Variants in MAGI1 observed in about 807,000 individuals in gnomAD.
MAGI1 encodes the protein membrane-associated guanylate kinase, WW and PDZ domain-containing protein 1.
In MAGI1, 58 loss-of-function variants were observed where a neutral mutation model predicts 139.9. The ratio of observed to expected loss-of-function variants is 0.41; its 90% CI spans 0.34 to 0.52. MAGI1 has a LOEUF of 0.52. MAGI1 is among the 20% of genes least tolerant of loss of function. MAGI1 has a pLI of 0.12. For synonymous variants in MAGI1, 812 were observed against 737.9 expected (o/e 1.10, Z -1.63); for missense variants, 1,874 against 1,901.6 (o/e 0.99, Z 0.27).
intron 1 of MAGI1, among the ~76,000 whole-genome samples, chr3:65,636,697 A>AACATAC (rs1553683930): frequency 1.5e-5 from 2 of 130,666 alleles, no homozygotes; most frequent in Non-Finnish European, 3.5e-5. Context: ...TATAAGGGAA[A>AACATAC]ACACATACAC....
chr3:65,458,970 G>C (rs1337943123), intron 5 of MAGI1, among the ~76,000 whole-genome samples: 2 of 152,130 alleles, frequency 1.3e-5, no homozygotes, highest in African/African-American at 4.8e-5. Context: ...ATTTTGATTT[G>C]ACTTTAGTAT....
intron 5 of MAGI1, among the ~76,000 whole-genome samples, chr3:65,457,487 T>C (rs963254923): frequency 4.6e-5 from 7 of 152,214 alleles, no homozygotes; most frequent in African/African-American, 1.4e-4. Flanking sequence ...AAGGAACTTC[T>C]TTGACCTCTT....
chr3:65,585,519 A>G (rs1359603693), intron 2 of MAGI1, among the ~76,000 whole-genome samples: 3 of 152,232 alleles, frequency 2.0e-5, no homozygotes, highest in Non-Finnish European at 4.4e-5. Flanking sequence ...TTTTAATACC[A>G]AGGGCAGGTG....
chr3:65,530,756 CGTATATATATATATAT>C (rs2078649068), intron 2 of MAGI1, among the ~76,000 whole-genome samples: 1 of 29,606 alleles, frequency 3.4e-5, no homozygotes, highest in Non-Finnish European at 5.9e-5. Flanking sequence ...TATATATACA[CGTATATATATATATAT>C]ACACACATAT....
chr3:65,416,999 G>C (rs1946267219), intron 12 of MAGI1, among the ~76,000 whole-genome samples: 1 of 152,166 alleles, frequency 6.6e-6, no homozygotes, highest in Non-Finnish European at 1.5e-5. Flanking sequence ...GATTTCATTT[G>C]AGGGAAATGA....
In MAGI1 at chr3:65,762,672, T is replaced by C. The variant is rs118067798; in HGVS notation, c.314-140584A>G. Among the ~76,000 whole-genome samples the C allele has an allele frequency of 1.8e-4, 27 of 152,302 alleles. No homozygotes were observed. The East Asian group carries it at 5.2e-3, about 29-fold the overall frequency. Reference sequence around the variant, plus strand: ...TTAGTTATATAACATGGGTGTGTTATTATAGGTTAGGCACTCTGCTAAGTC... The same window carrying C: ...TTAGTTATATAACATGGGTGTGTTACTATAGGTTAGGCACTCTGCTAAGTC... On this transcript the variant is annotated intron_variant, in intron 1 of 22. Coordinates refer to ENST00000402939, the MANE Select transcript of MAGI1 (RefSeq NM_001033057.2).
chr3:65,521,449 ATGTTTAGAAT>A (rs1279924511), intron 2 of MAGI1, among the ~76,000 whole-genome samples: 1 of 152,182 alleles, frequency 6.6e-6, no homozygotes, highest in Non-Finnish European at 1.5e-5. Context: ...AGTACAAGAG[ATGTTTAGAAT>A]TGGTTTAATA....
intron 1 of MAGI1, among the ~76,000 whole-genome samples, chr3:66,032,695 G>T (rs2068688690): frequency 6.6e-6 from 1 of 151,694 alleles, no homozygotes; most frequent in African/African-American, 2.4e-5. Flanking sequence ...AAGGCGGCAG[G>T]CAGATTGCCT....
At chr3:65,921,113 T>C (rs2062158559) in intron 1 of MAGI1, among the ~76,000 whole-genome samples, 1 of 152,146 alleles carries the variant, frequency 6.6e-6, no homozygotes, top group African/African-American at 2.4e-5. Flanking sequence ...TCAGAAGTTA[T>C]AATTGCACAG....
chr3:65,712,948 A>T (rs1020889434), intron 1 of MAGI1, among the ~76,000 whole-genome samples: 2 of 152,144 alleles, frequency 1.3e-5, no homozygotes, highest in Admixed American at 1.3e-4. Flanking sequence ...CCATCACTCT[A>T]CCTTTATTCT....
chr3:65,909,358 T>C (rs2061565700), intron 1 of MAGI1, among the ~76,000 whole-genome samples: 1 of 149,578 alleles, frequency 6.7e-6, no homozygotes, highest in Admixed American at 6.7e-5. Flanking sequence ...AGACCCCATC[T>C]CTACAAAAAA....
rs551518836 is a variant in MAGI1 at position 65,848,330 on chromosome 3, T to C, written c.313+189666A>G. On this transcript the variant is annotated intron_variant, in intron 1 of 22. Coordinates refer to ENST00000402939, the MANE Select transcript of MAGI1 (RefSeq NM_001033057.2). Reference sequence around the variant, plus strand: ...GCGAAGCAACTTAGAATGTTTCGTATCCTACGCTGGTTCTGAGCAGGCTTA... The same window carrying C: ...GCGAAGCAACTTAGAATGTTTCGTACCCTACGCTGGTTCTGAGCAGGCTTA... Among the ~76,000 whole-genome samples the C allele has an allele frequency of 1.2e-3, 185 of 152,296 alleles. 2 individuals are homozygous for C. Among genetic ancestry groups the C allele is most frequent in the African/African-American group, 3.9e-3 (164 of 41,582 alleles).
chr3:65,434,134 T>C (rs1291834614), intron 10 of MAGI1, among the ~76,000 whole-genome samples: 1 of 152,136 alleles, frequency 6.6e-6, no homozygotes, highest in Admixed American at 6.6e-5. Context: ...CTATTCCTCA[T>C]GTATAGTGTT....
intron 1 of MAGI1, among the ~76,000 whole-genome samples, chr3:65,679,078 G>A (rs1486138693): frequency 2.6e-5 from 4 of 151,966 alleles, no homozygotes; most frequent in Non-Finnish European, 2.9e-5. Context: ...GCATATCTTT[G>A]GACAGACAAA....
At chr3:65,783,111 A>C (rs1312973083) in intron 1 of MAGI1, among the ~76,000 whole-genome samples, 1 of 152,026 alleles carries the variant, frequency 6.6e-6, no homozygotes, top group Non-Finnish European at 1.5e-5. Flanking sequence ...ACTGGGGGAA[A>C]TATTTACAAA....
intron 1 of MAGI1, among the ~76,000 whole-genome samples, chr3:65,711,116 C>A (rs1445671484): frequency 1.3e-5 from 2 of 152,212 alleles, no homozygotes; most frequent in Non-Finnish European, 2.9e-5. Context: ...CAACTAGTCA[C>A]CAAACACCAA....
chr3:65,554,305 T>G (rs2107983830), intron 2 of MAGI1, among the ~76,000 whole-genome samples: 1 of 152,308 alleles, frequency 6.6e-6, no homozygotes, highest in South Asian at 2.1e-4. Flanking sequence ...CATATGATTC[T>G]ATATCCCTAG....
chr3:65,499,639 G>T (rs73115982), intron 2 of MAGI1, among the ~76,000 whole-genome samples: 46,218 of 151,926 alleles, frequency 0.3, 8,586 homozygotes, highest in East Asian at 0.73. Flanking sequence ...AAAAAAGAAT[G>T]GTTAAATCTA....
chr3:65,532,236 C>T (rs1179127069), intron 2 of MAGI1, among the ~76,000 whole-genome samples: 3 of 152,114 alleles, frequency 2.0e-5, no homozygotes, highest in African/African-American at 7.2e-5. Flanking sequence ...TTAATAATGG[C>T]CTAAAAAATT....
Sources: allele counts gnomAD v4.1 joint callset (sites outside exome capture counted in the v4.1 genomes callset), GRCh38; gene constraint gnomAD v4.1.1; transcripts MANE v1.5; gene names NCBI Gene and HGNC (gene_info 2026-07-23, HGNC 2026-07-21).